HACE1: variants seen among roughly 807,000 people sequenced by gnomAD.
HACE1 encodes the protein E3 ubiquitin-protein ligase HACE1.
A neutral mutation model predicts 118.4 loss-of-function variants in HACE1; 73 were observed. The observed-to-expected ratio is 0.62, with a 90% CI of 0.51 to 0.75. HACE1 has a LOEUF of 0.75. Among genes scored for constraint, HACE1 ranks in the 30% least tolerant of loss-of-function variants. HACE1 has a pLI of 0.00. For missense variants in HACE1, 749 were observed against 1,102.2 expected, an observed-to-expected ratio of 0.68 and a Z score of 4.54; for synonymous variants, 368 against 374.8, an observed-to-expected ratio of 0.98 and a Z score of 0.21.
At chr6:104,765,969 T>C (rs1779959563) in intron 19 of HACE1, among the ~76,000 whole-genome samples, 1 of 152,242 alleles carries the variant, frequency 6.6e-6, no homozygotes, top group Non-Finnish European at 1.5e-5. Context: ...CTCCAACAGC[T>C]TGACTTTCTG....
At position 104,784,992 on chromosome 6, in the gene HACE1, G is replaced by C. The variant is rs1240802341; in HGVS notation, c.1402C>G (p.Pro468Ala). 6.2e-7 allele frequency: 1 copy of C among 1,607,662 alleles called. No individual in the cohort carries two copies. The highest frequency in any genetic ancestry group is 1.3e-5 in the African/African-American group (1 of 74,716). The change falls in exon 12 of 24, where the codon CCT becomes GCT. Residue 468 changes from proline (P) to alanine (A), a missense_variant. Pro to Ala is a conservative substitution (Grantham distance 27). Coordinates refer to ENST00000262903, the MANE Select transcript of HACE1 (RefSeq NM_020771.4). Reference sequence around the variant, plus strand: ...AAGCCAAAACTTTCTTACCCCGGAGGCATCTGACAAGAACAGCACATGTAA... The same window carrying C: ...AAGCCAAAACTTTCTTACCCCGGAGCCATCTGACAAGAACAGCACATGTAA... ...AFYMCCSCQM[P>A]PGMTSPRFIE...
At chr6:104,797,540 A>G (rs1414257485) in intron 7 of HACE1, among the ~76,000 whole-genome samples, 2 of 152,154 alleles carry the variant, frequency 1.3e-5, no homozygotes, top group African/African-American at 4.8e-5. Flanking sequence ...AACCAATGTA[A>G]GAGAATCTGG....
At chr6:104,825,028 A>C (rs1773168844) in intron 6 of HACE1, 1 of 149,208 alleles carries the variant, frequency 6.7e-6, no homozygotes, top group Non-Finnish European at 1.5e-5. Context: ...GCTTGCAGTG[A>C]GCTGAGATGC....
intron 20 of HACE1, among the ~76,000 whole-genome samples, chr6:104,749,877 T>C (rs1777849705): frequency 6.6e-6 from 1 of 151,980 alleles, no homozygotes; most frequent in Admixed American, 6.5e-5. Flanking sequence ...AGGTTTGAAA[T>C]AAAGAATTAT....
chr6:104,743,191 T>C (rs1198356878), intron 22 of HACE1, among the ~76,000 whole-genome samples: 102 of 145,676 alleles, frequency 7.0e-4, no homozygotes, highest in African/African-American at 2.3e-3. Flanking sequence ...AGGGATAGCA[T>C]TGGGAGATAT....
chr6:104,737,757 G>A (rs966114845), intron 22 of HACE1, among the ~76,000 whole-genome samples: 4 of 152,156 alleles, frequency 2.6e-5, no homozygotes, highest in Admixed American at 6.5e-5. Context: ...GGGGAGGGGC[G>A]CCCGCCATTT....
At chr6:104,778,821 AGTAAG>A (rs1781466174) in intron 14 of HACE1, among the ~76,000 whole-genome samples, 1 of 152,080 alleles carries the variant, frequency 6.6e-6, no homozygotes, top group African/African-American at 2.4e-5. Flanking sequence ...CAAAAAAAAA[AGTAAG>A]GTAAGATCTC....
chr6:104,804,364 C>G (rs999532829), intron 7 of HACE1, among the ~76,000 whole-genome samples: 2 of 151,954 alleles, frequency 1.3e-5, no homozygotes, highest in Admixed American at 1.3e-4. Flanking sequence ...GAAAAAACTA[C>G]TTTAAAGTTC....
At chr6:104,758,892 G>C (rs1472282303) in intron 19 of HACE1, among the ~76,000 whole-genome samples, 2 of 151,934 alleles carry the variant, frequency 1.3e-5, no homozygotes, top group African/African-American at 4.8e-5. Flanking sequence ...AAAAAGCAGG[G>C]GTTGCAATCC....
intron 7 of HACE1, among the ~76,000 whole-genome samples, chr6:104,804,025 A>G (rs1770706176): frequency 6.6e-6 from 1 of 152,202 alleles, no homozygotes; most frequent in Admixed American, 6.5e-5. Context: ...GTCTCAGGAT[A>G]CAAAATCAAT....
At chr6:104,856,096 A>T (rs2114383037) in intron 1 of HACE1, among the ~76,000 whole-genome samples, 1 of 152,332 alleles carries the variant, frequency 6.6e-6, no homozygotes, top group Admixed American at 6.5e-5. Context: ...GTTGCCAGAT[A>T]CTTCCTTGTC....
chr6:104,847,801 T>G (rs1291914849), intron 4 of HACE1, among the ~76,000 whole-genome samples: 1 of 151,426 alleles, frequency 6.6e-6, no homozygotes, highest in Non-Finnish European at 1.5e-5. Flanking sequence ...CATAGAGAAG[T>G]TTTTTGGGGT....
intron 6 of HACE1, among the ~76,000 whole-genome samples, chr6:104,826,586 T>C (rs1038116826): frequency 6.6e-6 from 1 of 152,244 alleles, no homozygotes; most frequent in Admixed American, 6.5e-5. Context: ...TTTAAAATTA[T>C]ATGGCTTCTC....
rs1409978728 is a variant in HACE1, at chr6:104,844,315, G to A, written c.327-1017C>T. On this transcript the variant is annotated intron_variant, in intron 4 of 23. Coordinates refer to ENST00000262903, the MANE Select transcript of HACE1 (RefSeq NM_020771.4). ...CTCCCAAAGTGCAGGGATTACAGGC[G>A]TGAGTCACCACGGTGGCCCATCATA... 2.6e-5 allele frequency among the ~76,000 whole-genome samples: 4 copies of A among 151,120 alleles called. No individual in the cohort carries two copies. The East Asian group carries it at 5.9e-4, about 22-fold the overall frequency.
intron 22 of HACE1, among the ~76,000 whole-genome samples, chr6:104,743,312 TAATA>T (rs1777027234): frequency 6.7e-6 from 1 of 148,496 alleles, no homozygotes; most frequent in Non-Finnish European, 1.5e-5. Context: ...TAAAGTATAA[TAATA>T]AAAAAAAATT....
chr6:104,756,085 T>C (rs547317807), intron 19 of HACE1, among the ~76,000 whole-genome samples: 1 of 151,994 alleles, frequency 6.6e-6, no homozygotes, highest in South Asian at 2.1e-4. Flanking sequence ...CAATCAGAAA[T>C]GATAAGGTAG....
At chr6:104,846,642 G>A (rs1397754100) in intron 4 of HACE1, among the ~76,000 whole-genome samples, 2 of 152,152 alleles carry the variant, frequency 1.3e-5, no homozygotes, top group African/African-American at 2.4e-5. Context: ...TGACAGCTGA[G>A]GGAACAAAAC....
chr6:104,830,184 G>A (rs889054863), intron 6 of HACE1, among the ~76,000 whole-genome samples: 5 of 152,284 alleles, frequency 3.3e-5, no homozygotes, highest in African/African-American at 4.8e-5. Context: ...TAAAGCAGGT[G>A]CTCTTCTGTC....
At chr6:104,840,649 T>TA (rs1356925814) in intron 5 of HACE1, among the ~76,000 whole-genome samples, 2 of 147,194 alleles carry the variant, frequency 1.4e-5, no homozygotes, top group Non-Finnish European at 3.0e-5. Flanking sequence ...GCTAACCTGG[T>TA]AAAACCCCGT....
Sources: gnomAD v4.1 joint callset for allele counts (sites outside exome capture counted in the v4.1 genomes callset) on GRCh38, gnomAD v4.1.1 for gene constraint, MANE v1.5 for transcripts, NCBI Gene and HGNC (gene_info 2026-07-23, HGNC 2026-07-21) for gene names.